Variants in VPS13B observed in about 807,000 individuals in gnomAD.
The protein encoded by VPS13B is vacuolar protein sorting 13 homolog B, also known as intermembrane lipid transfer protein VPS13B.
In VPS13B, 285 loss-of-function variants were observed where a neutral mutation model predicts 426.4. That is an observed-to-expected ratio of 0.67 (90% confidence interval 0.61 to 0.74). The LOEUF is 0.74. Among genes scored for constraint, VPS13B ranks in the 30% least tolerant of loss-of-function variants. VPS13B has a pLI of 0.00. For missense variants in VPS13B, 4,537 were observed against 4,782.6 expected (o/e 0.95, Z 1.51); for synonymous variants, 1,676 against 1,676.4 (o/e 1.00, Z 0.01).
chr8:99,730,542 A>T (rs1341335309), intron 39 of VPS13B, among the ~76,000 whole-genome samples: 3 of 152,184 alleles, frequency 2.0e-5, no homozygotes, highest in Non-Finnish European at 4.4e-5. Flanking sequence ...AAGATCTAGG[A>T]ATACATTAAA....
chr8:99,775,560 A>G (rs1811698652), intron 40 of VPS13B, among the ~76,000 whole-genome samples: 1 of 152,180 alleles, frequency 6.6e-6, no homozygotes, highest in South Asian at 2.1e-4. Context: ...ATGTGCAGAC[A>G]TCTTCCCTTC....
chr8:99,430,142 T>C (rs1292307863), intron 21 of VPS13B, among the ~76,000 whole-genome samples: 1 of 152,198 alleles, frequency 6.6e-6, no homozygotes, highest in Non-Finnish European at 1.5e-5. Flanking sequence ...ATTTCTGATA[T>C]TGACAATGTC....
At chr8:99,154,487 CA>C (rs1395647978) in intron 14 of VPS13B, among the ~76,000 whole-genome samples, 4 of 152,090 alleles carry the variant, frequency 2.6e-5, no homozygotes, top group African/African-American at 7.2e-5. Flanking sequence ...AAAATGCTAA[CA>C]AGGAGGTCTT....
intron 17 of VPS13B, among the ~76,000 whole-genome samples, chr8:99,256,029 G>A (rs1588178883): frequency 1.3e-5 from 2 of 152,298 alleles, no homozygotes; most frequent in African/African-American, 2.4e-5. Context: ...TTAGAGTGGT[G>A]TTTGGGTGGA....
chr8:99,564,370 TGG>T (rs1825086474), intron 31 of VPS13B, among the ~76,000 whole-genome samples: 1 of 152,316 alleles, frequency 6.6e-6, no homozygotes, highest in Admixed American at 6.5e-5. Context: ...GCACTTGACC[TGG>T]TTAAAAACTT....
chr8:99,640,189 C>CT (rs1829300701), intron 33 of VPS13B, among the ~76,000 whole-genome samples: 1 of 151,884 alleles, frequency 6.6e-6, no homozygotes, highest in African/African-American at 2.4e-5. Context: ...TTAGTGCAGC[C>CT]TTTTTGGATA....
At chr8:99,744,973 A>T (rs1273329081) in intron 39 of VPS13B, among the ~76,000 whole-genome samples, 2 of 152,036 alleles carry the variant, frequency 1.3e-5, no homozygotes, top group African/African-American at 2.4e-5. Flanking sequence ...AGTATAATAA[A>T]AAAAAAAGAA....
Position 99,859,523 on chromosome 8 carries a change from CTTTTT to C in VPS13B, c.11044+54_11044+58del. 2.7e-6 allele frequency: 4 copies of C among 1,473,902 alleles called. No homozygotes were observed. The Admixed American group carries it at 7.5e-5, about 28-fold the overall frequency. The allele number at this position is 1,473,902 out of a possible 1,614,324, so 91.3% of individuals were successfully genotyped here. A position where few individuals can be genotyped will look rare whatever the true frequency, so the allele number is the denominator to read the frequency against. On this transcript the variant is annotated intron_variant, in intron 57 of 61. Coordinates refer to ENST00000357162, the MANE Select transcript of VPS13B (RefSeq NM_152564.5). ...TTGTAATAATGCCTTCACTCCTTCC[CTTTTT>C]TTTTTTTTTTAAAGAATGTGCTAAA...
chr8:99,380,007 G>T (rs192756223), intron 19 of VPS13B, among the ~76,000 whole-genome samples: 9 of 151,946 alleles, frequency 5.9e-5, no homozygotes, highest in Non-Finnish European at 1.0e-4. Context: ...AAATCAAAAG[G>T]TCTTAATAAA....
intron 8 of VPS13B, among the ~76,000 whole-genome samples, chr8:99,121,977 G>A (rs747828082): frequency 6.8e-6 from 1 of 147,772 alleles, no homozygotes; most frequent in East Asian, 2.0e-4. Flanking sequence ...TCAGCCTCCC[G>A]AGCAGCTGGG....
At chr8:99,804,592 A>G (rs77197204) in intron 43 of VPS13B, among the ~76,000 whole-genome samples, 8,270 of 152,286 alleles carry the variant, frequency 0.054, 258 homozygotes, top group Non-Finnish European at 0.067. Context: ...TAAGATATTT[A>G]CTGTTGGTTA....
intron 39 of VPS13B, 67 bp from the exon 40 acceptor site, chr8:99,766,707 G>T: frequency 7.3e-7 from 1 of 1,370,740 alleles, no homozygotes; most frequent in South Asian, 1.3e-5. Context: ...GGTTTAATTT[G>T]AATTTCAACA....
chr8:99,280,484 T>A (rs1389877598), intron 19 of VPS13B, among the ~76,000 whole-genome samples: 1 of 152,264 alleles, frequency 6.6e-6, no homozygotes, highest in East Asian at 1.9e-4. Flanking sequence ...GGGCCTATCA[T>A]TGATGAATGC....
intron 30 of VPS13B, among the ~76,000 whole-genome samples, chr8:99,548,646 G>A (rs904272824): frequency 3.3e-5 from 5 of 151,652 alleles, no homozygotes; most frequent in East Asian, 3.9e-4. Flanking sequence ...CATAATAACC[G>A]AAATTGGTTT....
At chr8:99,429,500 C>G (rs1160635891) in intron 21 of VPS13B, 1 of 151,914 alleles carries the variant, frequency 6.6e-6, no homozygotes, top group Admixed American at 6.6e-5. Flanking sequence ...ACTTGGATGT[C>G]TAATGGAAAT....
intron 23 of VPS13B, among the ~76,000 whole-genome samples, chr8:99,463,318 C>T (rs941482811): frequency 6.6e-6 from 1 of 152,024 alleles, no homozygotes; most frequent in African/African-American, 2.4e-5. Flanking sequence ...AAACAAGTCA[C>T]GATTAATCCA....
In VPS13B at chr8:99,853,486, T is replaced by C; in HGVS notation, c.10097T>C (p.Ile3366Thr). The C allele has an allele frequency of 1.2e-6, 2 of 1,614,208 alleles. No individual in the cohort carries two copies. Among genetic ancestry groups the C allele is most frequent in the Admixed American group, 1.7e-5 (1 of 60,028 alleles). The change falls in exon 56 of 62, where the codon ATC (isoleucine) becomes ACC (threonine). Residue 3366 changes from isoleucine to threonine, a missense_variant. Transcript: ENST00000357162. ...PEKIVTFKMFITQLSLAVFDD... is the reference protein window; with the variant it reads ...PEKIVTFKMFTTQLSLAVFDD... ...AAGATTGTTACATTTAAAATGTTCA[T>C]CACTCAGTTAAGCCTGGCAGTGTTT...
At chr8:99,360,014 G>A (rs1812411871) in intron 19 of VPS13B, among the ~76,000 whole-genome samples, 1 of 151,460 alleles carries the variant, frequency 6.6e-6, no homozygotes, top group Admixed American at 6.6e-5. Flanking sequence ...CATTGGCCAG[G>A]CTGGTCTCAA....
Position 99,820,122 on chromosome 8 carries a change from G to A in VPS13B, c.8994G>A (p.Gln2998=). The A allele has an allele frequency of 6.2e-7, 1 of 1,613,390 alleles. No homozygotes were observed. The highest frequency in any genetic ancestry group is 8.5e-7 in the Non-Finnish European group (1 of 1,179,596). ...AAATTATTATTCCTCCTAATTTTCA[G>A]GTACTATAACTTTTTTAACTAATAC... is the stretch of plus-strand genomic sequence containing the variant. The part of the protein sequence containing the change: ...AGKIIIPPNF[Q]EAFQIGIYWA... The change falls in exon 49 of 62, where the codon CAG becomes CAA. Residue 2998 remains glutamine, a splice_region_variant and synonymous_variant. Transcript: ENST00000357162.
Sources: gnomAD v4.1 joint callset for allele counts (sites outside exome capture counted in the v4.1 genomes callset) on GRCh38, gnomAD v4.1.1 for gene constraint, MANE v1.5 for transcripts, NCBI Gene and HGNC (gene_info 2026-07-23, HGNC 2026-07-21) for gene names.